SCRG1: variants seen among roughly 807,000 people sequenced by gnomAD.
SCRG1 encodes the protein stimulator of chondrogenesis 1.
SCRG1 carries 3 observed loss-of-function variants against 7.7 expected under a neutral mutation model. The ratio of observed to expected loss-of-function variants is 0.39; its 90% CI spans 0.18 to 1.01. The LOEUF is 1.01. Ranked by LOEUF, SCRG1 falls within the 50% of genes least tolerant of loss-of-function variation. The pLI is 0.36. For synonymous variants in SCRG1, 46 were observed against 41.2 expected (o/e 1.12, Z -0.44); for missense variants, 110 against 117.2 (o/e 0.94, Z 0.28).
the SCRG1 span, among the ~76,000 whole-genome samples, chr4:173,510,090 A>G: frequency 1.3e-5 from 2 of 152,320 alleles, no homozygotes; most frequent in Admixed American, 6.5e-5. The surrounding 1 kb of genome is among the most constrained non-coding windows in gnomAD (Gnocchi z 5.7). Context: ...CTCATGCCCT[A>G]TAATTAAACA....
the SCRG1 span, among the ~76,000 whole-genome samples, chr4:173,446,971 A>T: frequency 6.6e-6 from 1 of 152,244 alleles, no homozygotes; most frequent in Non-Finnish European, 1.5e-5. Context: ...GAATGTTGCC[A>T]GTGATAAAAT....
At chr4:173,388,522 A>C in intron 2 of SCRG1, 127 bp from the exon 3 acceptor site, 1 of 581,644 alleles carries the variant, frequency 1.7e-6, no homozygotes, top group East Asian at 3.1e-5. Flanking sequence ...GGTGACTAAA[A>C]TGTAAAGAGA....
At chr4:173,419,115 A>G in the SCRG1 span, 2 of 239,246 alleles carry the variant, frequency 8.4e-6, no homozygotes, top group Non-Finnish European at 1.6e-5. Context: ...CCACTCTATC[A>G]CTGACACTTA....
the SCRG1 span, among the ~76,000 whole-genome samples, chr4:173,418,116 A>C: frequency 2.0e-5 from 3 of 152,240 alleles, no homozygotes; most frequent in East Asian, 5.8e-4. Context: ...TGAGGAGCTC[A>C]GTAAGGTCAT....
At chr4:173,453,052 T>C in the SCRG1 span, among the ~76,000 whole-genome samples, 39 of 152,138 alleles carry the variant, frequency 2.6e-4, no homozygotes, top group African/African-American at 8.9e-4. Flanking sequence ...ATAGCAATAG[T>C]CACAGTACCA....
At chr4:173,512,585 G>T in the SCRG1 span, among the ~76,000 whole-genome samples, 1 of 152,222 alleles carries the variant, frequency 6.6e-6, no homozygotes, top group Non-Finnish European at 1.5e-5. Context: ...GCTGAGGGGA[G>T]CATGGGTTTG....
the SCRG1 span, chr4:173,419,319 CA>C: frequency 1.3e-6 from 1 of 765,222 alleles, no homozygotes; most frequent in African/African-American, 1.8e-5. Flanking sequence ...TTCTTCTGAG[CA>C]AGGGATATTT....
At chr4:173,479,071 G>A in the SCRG1 span, among the ~76,000 whole-genome samples, 1 of 152,120 alleles carries the variant, frequency 6.6e-6, no homozygotes, top group Non-Finnish European at 1.5e-5. Flanking sequence ...GTGCATCTCT[G>A]ATCTAATTTT....
At chr4:173,461,449 G>T in the SCRG1 span, among the ~76,000 whole-genome samples, 1 of 152,200 alleles carries the variant, frequency 6.6e-6, no homozygotes, top group Non-Finnish European at 1.5e-5. Flanking sequence ...CCTGGATCTT[G>T]TCCAAGACTA....
At chr4:173,417,550 G>A in the SCRG1 span, among the ~76,000 whole-genome samples, 3 of 152,096 alleles carry the variant, frequency 2.0e-5, no homozygotes, top group African/African-American at 7.2e-5. Flanking sequence ...TTACAGACAT[G>A]ACCTCATGAT....
chr4:173,484,448 A>ATTTT, the SCRG1 span, among the ~76,000 whole-genome samples: 1 of 17,446 alleles, frequency 5.7e-5, no homozygotes, highest in African/African-American at 1.7e-4. Context: ...TATGATATAT[A>ATTTT]ATATATATTA....
the SCRG1 span, among the ~76,000 whole-genome samples, chr4:173,445,831 A>C: frequency 6.6e-6 from 1 of 151,434 alleles, no homozygotes; most frequent in South Asian, 2.1e-4. Context: ...ATGCCTGGTT[A>C]ATTTTTGTAT....
At position 173,395,676 on chromosome 4, in the gene SCRG1, C is replaced by T. The variant is rs575533750; in HGVS notation, c.-15+3392G>A. ...TCCCTTGCTCTATGTTCCCAAAGCA[C>T]TTATATATAATCTGGCCTACAAGAA... On this transcript the variant is annotated intron_variant, in intron 1 of 2. Coordinates refer to ENST00000296506, the MANE Select transcript of SCRG1 (RefSeq NM_007281.4). Among the ~76,000 whole-genome samples the T allele has an allele frequency of 2.0e-5, 3 of 152,342 alleles. No homozygotes were observed. The South Asian group carries it at 6.2e-4, about 32-fold the overall frequency.
chr4:173,464,594 G>A, the SCRG1 span, among the ~76,000 whole-genome samples: 1 of 152,198 alleles, frequency 6.6e-6, no homozygotes, highest in Non-Finnish European at 1.5e-5. Context: ...AAAATAACAA[G>A]TGTTGCTGAG....
the SCRG1 span, chr4:173,468,030 A>G: frequency 6.6e-6 from 1 of 152,606 alleles, no homozygotes; most frequent in Non-Finnish European, 1.5e-5. Context: ...AAAGTTGCCA[A>G]TTTATCCATT....
At chr4:173,433,440 G>C in the SCRG1 span, among the ~76,000 whole-genome samples, 1 of 152,180 alleles carries the variant, frequency 6.6e-6, no homozygotes, top group South Asian at 2.1e-4. Context: ...AAGTTCTGCT[G>C]CTCTTCTGAC....
At chr4:173,415,380 A>T in the SCRG1 span, among the ~76,000 whole-genome samples, 1 of 152,206 alleles carries the variant, frequency 6.6e-6, no homozygotes, top group Admixed American at 6.5e-5. Flanking sequence ...CTTGCGGACC[A>T]GTGAATATCC....
chr4:173,456,685 C>G, the SCRG1 span, among the ~76,000 whole-genome samples: 2 of 151,984 alleles, frequency 1.3e-5, no homozygotes, highest in African/African-American at 4.8e-5. Context: ...TAAGGCAAAT[C>G]TATGTATATT....
chr4:173,443,863 G>C, the SCRG1 span, among the ~76,000 whole-genome samples: 3 of 151,462 alleles, frequency 2.0e-5, no homozygotes, highest in Non-Finnish European at 4.4e-5. Context: ...TGCAATCTTT[G>C]CCACATAGTT....
Sources: gnomAD v4.1 joint callset for allele counts (sites outside exome capture counted in the v4.1 genomes callset) on GRCh38, gnomAD v4.1.1 for gene constraint, Gnocchi (gnomAD v3.1) non-coding constraint, MANE v1.5 for transcripts, NCBI Gene and HGNC (gene_info 2026-07-23, HGNC 2026-07-21) for gene names.